EIF4E: variants seen among roughly 807,000 people sequenced by gnomAD.
EIF4E encodes eIF-4F 25 kDa subunit.
For synonymous variants in EIF4E, 71 were observed against 88.5 expected, an observed-to-expected ratio of 0.80 and a Z score of 1.11; for missense variants, 113 against 265.6, an observed-to-expected ratio of 0.43 and a Z score of 3.99.
At chr4:98,908,739 A>G (rs949837619) in intron 1 of EIF4E, among the ~76,000 whole-genome samples, 3 of 152,218 alleles carry the variant, frequency 2.0e-5, no homozygotes, top group Non-Finnish European at 2.9e-5. Flanking sequence ...TATTATCTCA[A>G]CATACTATAA....
chr4:98,915,127 T>C (rs192427588), intron 1 of EIF4E, among the ~76,000 whole-genome samples: 75 of 152,184 alleles, frequency 4.9e-4, no homozygotes, highest in Non-Finnish European at 8.4e-4. Context: ...GTATTAATAT[T>C]TTTAGTAGAG....
chr4:98,924,591 C>T (rs1433546511), intron 1 of EIF4E, among the ~76,000 whole-genome samples: 1 of 142,956 alleles, frequency 7.0e-6, no homozygotes, highest in Non-Finnish European at 1.6e-5. Flanking sequence ...AAATTTGTTT[C>T]TGTTTTTTTT....
At chr4:98,883,393 A>ATTTTTTTTTTT (rs11408890) in intron 6 of EIF4E, among the ~76,000 whole-genome samples, 2 of 103,896 alleles carry the variant, frequency 1.9e-5, no homozygotes, top group Non-Finnish European at 3.6e-5. Flanking sequence ...TGTAAGTCAA[A>ATTTTTTTTTTT]TTTTTTTTTT....
chr4:98,903,614 T>C (rs1724740321), intron 1 of EIF4E: 1 of 374,800 alleles, frequency 2.7e-6, no homozygotes, highest in Non-Finnish European at 5.2e-6. Context: ...AAGGGATATG[T>C]TTTTTCTTAT....
At position 98,886,653 on chromosome 4, in the gene EIF4E, G is replaced by A. The variant is rs766460531; in HGVS notation, c.399+426C>T. The A allele has an allele frequency of 1.2e-4, 42 of 341,018 alleles. No homozygotes were observed. The Middle Eastern group carries it at 9.7e-3, about 79-fold the overall frequency. 21.1% of individuals were successfully genotyped at this position (341,018 alleles called of 1,614,324 possible). ...TCACTTGAACCCAGAGGGTGAGGCT[G>A]AAATGAGCCATATAAATAAATATCC... On this transcript the variant is annotated intron_variant, in intron 5 of 6. Coordinates refer to ENST00000450253, the MANE Select transcript of EIF4E (RefSeq NM_001968.5).
At chr4:98,909,556 G>A (rs1464479549) in intron 1 of EIF4E, 4 of 648,662 alleles carry the variant, frequency 6.2e-6, no homozygotes, top group Non-Finnish European at 2.8e-6. Context: ...TAACTCCACT[G>A]AATCCAGTAC....
intron 1 of EIF4E, among the ~76,000 whole-genome samples, chr4:98,903,113 C>A (rs1724718874): frequency 6.6e-6 from 1 of 152,100 alleles, no homozygotes. Flanking sequence ...TAGGTGTTCA[C>A]CACATTCTTC....
At chr4:98,908,389 A>T (rs763580748) in intron 1 of EIF4E, among the ~76,000 whole-genome samples, 8 of 152,208 alleles carry the variant, frequency 5.3e-5, no homozygotes, top group Non-Finnish European at 1.2e-4. Context: ...TTGGTGACTC[A>T]TATCCAGTAG....
In EIF4E at chr4:98,879,729, G is replaced by C. The variant is rs1387721261; in HGVS notation, c.*1299C>G. The C allele has an allele frequency of 6.6e-6, 1 of 152,006 alleles. No individual in the cohort carries two copies. The allele number at this position is 152,006 out of a possible 1,614,324, so 9.4% of individuals were successfully genotyped here. ...TCAGCAACCAAGTTTTACAACCACT[G>C]TTGCTACCAATCAAATGGTGATGCA... On this transcript the variant is annotated 3_prime_UTR_variant, in exon 7 of 7. Transcript: ENST00000450253.
At chr4:98,924,592 TG>T (rs1294082320) in intron 1 of EIF4E, among the ~76,000 whole-genome samples, 2 of 142,814 alleles carry the variant, frequency 1.4e-5, no homozygotes, top group Non-Finnish European at 3.2e-5. Flanking sequence ...AATTTGTTTC[TG>T]TTTTTTTTTT....
chr4:98,909,809 C>A (rs1404006083), intron 1 of EIF4E: 2 of 701,182 alleles, frequency 2.9e-6, no homozygotes, highest in Non-Finnish European at 5.2e-6. Flanking sequence ...AACTGCTTCA[C>A]CACAGGAGTC....
intron 1 of EIF4E, among the ~76,000 whole-genome samples, chr4:98,906,166 A>T (rs1560646022): frequency 6.6e-6 from 1 of 152,198 alleles, no homozygotes; most frequent in Non-Finnish European, 1.5e-5. Flanking sequence ...TGTGTCCTCC[A>T]TTACCTTCAT....
At chr4:98,913,176 C>G (rs1282972604) in intron 1 of EIF4E, among the ~76,000 whole-genome samples, 1 of 151,522 alleles carries the variant, frequency 6.6e-6, no homozygotes, top group African/African-American at 2.4e-5. Flanking sequence ...TCACTGCATT[C>G]CAGCCTGGGC....
chr4:98,909,690 C>A (rs1319510098), intron 1 of EIF4E: 1 of 710,462 alleles, frequency 1.4e-6, no homozygotes, highest in Non-Finnish European at 2.6e-6. Context: ...GGGATTCTCG[C>A]AGACTTTCTG....
intron 1 of EIF4E, among the ~76,000 whole-genome samples, chr4:98,918,196 C>G (rs1663064): frequency 6.6e-6 from 1 of 151,578 alleles, no homozygotes; most frequent in Non-Finnish European, 1.5e-5. Flanking sequence ...AACCCTGTCT[C>G]TACTAAAAAC....
chr4:98,889,292 C>T (rs1724052602), intron 3 of EIF4E, among the ~76,000 whole-genome samples: 1 of 152,044 alleles, frequency 6.6e-6, no homozygotes, highest in African/African-American at 2.4e-5. Flanking sequence ...ATGGTAACTC[C>T]CAACTACATC....
At chr4:98,909,720 A>G (rs754000147) in intron 1 of EIF4E, 7 of 707,610 alleles carry the variant, frequency 9.9e-6, no homozygotes, top group South Asian at 8.9e-5. Flanking sequence ...TAATGGCATC[A>G]TTTTCACCAT....
At chr4:98,922,866 GAGA>G (rs762566415) in intron 1 of EIF4E, among the ~76,000 whole-genome samples, 1,096 of 72,328 alleles carry the variant, frequency 0.015, 21 homozygotes, top group East Asian at 0.12. Context: ...TTTTTTTTTT[GAGA>G]AGGAGTTTCA....
chr4:98,921,881 T>G (rs1004801124), intron 1 of EIF4E, among the ~76,000 whole-genome samples: 46 of 152,334 alleles, frequency 3.0e-4, no homozygotes, highest in African/African-American at 1.1e-3. Context: ...GGGAGAAGGT[T>G]AAGTGTCCAT....
Sources: allele counts gnomAD v4.1 joint callset (sites outside exome capture counted in the v4.1 genomes callset), GRCh38; gene constraint gnomAD v4.1.1; transcripts MANE v1.5; gene names NCBI Gene and HGNC (gene_info 2026-07-23, HGNC 2026-07-21).